Variants in ATP11A observed in about 807,000 individuals in gnomAD.
The protein encoded by ATP11A is phospholipid-transporting ATPase IH.
Under a neutral mutation model 154.4 loss-of-function variants are expected in ATP11A, and 81 were observed. That is an observed-to-expected ratio of 0.52 (90% CI 0.44 to 0.63). The LOEUF is 0.63. Among genes scored for constraint, ATP11A ranks in the 30% least tolerant of loss-of-function variants. The pLI, the probability that ATP11A is intolerant of heterozygous loss-of-function variation, is 0.00. For synonymous variants in ATP11A, 623 were observed against 585.9 expected (o/e 1.06, Z -0.91); for missense variants, 1,316 against 1,474.3 (o/e 0.89, Z 1.76).
intron 17 of ATP11A, among the ~76,000 whole-genome samples, chr13:112,848,683 A>T (rs1020931857): frequency 6.6e-6 from 1 of 152,170 alleles, no homozygotes; most frequent in African/African-American, 2.4e-5. Context: ...TGTTAGCTGT[A>T]GGTTTTTCTT....
At chr13:112,867,269 C>A (rs1039613170) in intron 25 of ATP11A, among the ~76,000 whole-genome samples, 1 of 152,252 alleles carries the variant, frequency 6.6e-6, no homozygotes, top group African/African-American at 2.4e-5. Context: ...AGACTAGACA[C>A]CCTGTGCGGT....
chr13:112,760,309 G>A (rs2076934854), intron 1 of ATP11A, among the ~76,000 whole-genome samples: 1 of 152,204 alleles, frequency 6.6e-6, no homozygotes, highest in Non-Finnish European at 1.5e-5. Flanking sequence ...GCTGTGTCCT[G>A]GGTGCTGTGT....
intron 5 of ATP11A, among the ~76,000 whole-genome samples, chr13:112,812,346 G>A (rs568772488): frequency 6.6e-6 from 1 of 152,284 alleles, no homozygotes; most frequent in African/African-American, 2.4e-5. Context: ...CACCCTGCCT[G>A]GCTCTTTCCA....
intron 1 of ATP11A, among the ~76,000 whole-genome samples, chr13:112,715,372 TCCCCACACCTGGCCGATCCC>T (rs1888306430): frequency 5.8e-5 from 4 of 68,690 alleles, no homozygotes; most frequent in Non-Finnish European, 6.2e-5. Context: ...CTGGCCCACC[TCCCCACACCTGGCCGATCCC>T]CCCACACCTG....
At chr13:112,757,845 C>G (rs1410809809) in intron 1 of ATP11A, among the ~76,000 whole-genome samples, 1 of 152,228 alleles carries the variant, frequency 6.6e-6, no homozygotes, top group Non-Finnish European at 1.5e-5. Flanking sequence ...AGGATGGCGT[C>G]ATGTGTGTGC....
intron 18 of ATP11A, among the ~76,000 whole-genome samples, chr13:112,853,305 T>C (rs1009460640): frequency 1.3e-4 from 20 of 152,016 alleles, no homozygotes; most frequent in Admixed American, 7.9e-4. Flanking sequence ...CATATATATA[T>C]ACACATACAT....
At chr13:112,731,937 C>CGGGG (rs67335042) in intron 1 of ATP11A, among the ~76,000 whole-genome samples, 31 of 83,130 alleles carry the variant, frequency 3.7e-4, no homozygotes, top group African/African-American at 1.1e-3. Flanking sequence ...GAAATGGGGG[C>CGGGG]GGGGGGGGGC....
In ATP11A at chr13:112,831,552, G is replaced by A. The variant is rs2079085539; in HGVS notation, c.1395+4G>A. ...GTCCCCCAGCGTCAACGGGAGGGTAGGTGGCAGCCCCCACGCCGTCCAAGT... is the reference window on the plus strand; with the variant it reads ...GTCCCCCAGCGTCAACGGGAGGGTAAGTGGCAGCCCCCACGCCGTCCAAGT... On this transcript the variant is annotated splice_donor_region_variant and intron_variant, in intron 13 of 29. Transcript: ENST00000375645. 2 of 1,613,664 alleles carry A rather than the reference G, an allele frequency of 1.2e-6. No homozygotes were observed.
At chr13:112,805,089 A>C in intron 3 of ATP11A, 43 bp downstream of exon 3, 1 of 1,424,836 alleles carries the variant, frequency 7.0e-7, no homozygotes, top group East Asian at 2.3e-5. Flanking sequence ...ATATAAATCT[A>C]AATAAGTGAC....
At chr13:112,808,475 C>A (rs367994763) in intron 4 of ATP11A, among the ~76,000 whole-genome samples, 2 of 151,670 alleles carry the variant, frequency 1.3e-5, no homozygotes, top group Admixed American at 6.6e-5. Context: ...AGAGCCCCCC[C>A]ACCCCCTCGA....
chr13:112,860,423 C>G lies in ATP11A; in HGVS notation c.2855+9C>G, dbSNP rs1385079663. The G allele has an allele frequency of 6.2e-7, 1 of 1,613,866 alleles. No individual in the cohort carries two copies. Among genetic ancestry groups the G allele is most frequent in the African/African-American group, 1.3e-5 (1 of 74,910 alleles). On this transcript the variant is annotated intron_variant, in intron 24 of 29. Coordinates refer to ENST00000375645, the MANE Select transcript of ATP11A (RefSeq NM_015205.3). ...GACCCGACCCTGTACAGGTACCATC[C>G]TCCAAACAGCCTCTCCTGAGAGCAG... is the stretch of plus-strand genomic sequence containing the variant.
chr13:112,738,034 T>G (rs980378003), intron 1 of ATP11A, among the ~76,000 whole-genome samples: 2 of 152,202 alleles, frequency 1.3e-5, no homozygotes, highest in Non-Finnish European at 2.9e-5. Context: ...TTCCCATATC[T>G]GTTCAGCGCC....
intron 10 of ATP11A, among the ~76,000 whole-genome samples, chr13:112,825,022 C>T (rs566875932): frequency 6.6e-6 from 1 of 152,214 alleles, no homozygotes; most frequent in South Asian, 2.1e-4. Flanking sequence ...TCCCTCTCTT[C>T]CTTCCTCTCC....
intron 1 of ATP11A, among the ~76,000 whole-genome samples, chr13:112,774,689 A>G (rs1156575557): frequency 2.6e-5 from 4 of 152,280 alleles, no homozygotes; most frequent in East Asian, 1.9e-4. Context: ...CTGTGTTTGC[A>G]TGCACAGCCC....
Position 112,875,664 on chromosome 13 carries a change from C to A in ATP11A, c.3162-112C>A. 2 of 1,251,676 alleles carry A rather than the reference C, an allele frequency of 1.6e-6. No homozygotes were observed. Among genetic ancestry groups the A allele is most frequent in the Admixed American group, 2.3e-5 (1 of 43,526 alleles). 77.5% of individuals were successfully genotyped at this position (1,251,676 alleles called of 1,614,324 possible). ...GCAGGCTCCGTGGCTTGCCAAGCAA[C>A]TCTCACTGACAAAAGTGTAAACTCC... is the stretch of plus-strand genomic sequence containing the variant. On this transcript the variant is annotated intron_variant, in intron 27 of 29. Coordinates refer to ENST00000375645, the MANE Select transcript of ATP11A (RefSeq NM_015205.3). This position sits in a 1 kb window ranked among gnomAD's most constrained non-coding sequence, Gnocchi z 4.1.
At chr13:112,711,380 T>C (rs919277234) in intron 1 of ATP11A, among the ~76,000 whole-genome samples, 8 of 151,956 alleles carry the variant, frequency 5.3e-5, no homozygotes, top group African/African-American at 1.9e-4. Context: ...GGTGGGAGGA[T>C]CAGATCCCCT....
chr13:112,869,974 C>T (rs1484844748), intron 25 of ATP11A, among the ~76,000 whole-genome samples: 2 of 152,230 alleles, frequency 1.3e-5, no homozygotes, highest in African/African-American at 4.8e-5. Flanking sequence ...GCAGCCCCTC[C>T]ACCCCCCCAT....
At position 112,785,009 on chromosome 13, in the gene ATP11A, G is replaced by A; in HGVS notation, c.40-126G>A. The A allele has an allele frequency of 8.0e-7, 1 of 1,249,880 alleles. No individual in the cohort carries two copies. 77.4% of individuals were successfully genotyped at this position (1,249,880 alleles called of 1,614,324 possible). On this transcript the variant is annotated intron_variant, in intron 1 of 29. Transcript: ENST00000375645. The surrounding 1 kb of genome is among the most constrained non-coding windows in gnomAD (Gnocchi z 4.8). ...GGGCCCCAGGTCTCCCTGCAGCCCTGAACGATGCTCTCAGCAGCAGGTACA... is the reference window on the plus strand; with the variant it reads ...GGGCCCCAGGTCTCCCTGCAGCCCTAAACGATGCTCTCAGCAGCAGGTACA...
At chr13:112,865,081 A>T (rs535167797) in intron 25 of ATP11A, among the ~76,000 whole-genome samples, 1 of 59,572 alleles carries the variant, frequency 1.7e-5, no homozygotes, top group Non-Finnish European at 3.4e-5. Flanking sequence ...CCATCACCAC[A>T]TGGGCAGTAA....
Sources: gnomAD v4.1 joint callset for allele counts (sites outside exome capture counted in the v4.1 genomes callset) on GRCh38, gnomAD v4.1.1 for gene constraint, Gnocchi (gnomAD v3.1) non-coding constraint, MANE v1.5 for transcripts, NCBI Gene and HGNC (gene_info 2026-07-23, HGNC 2026-07-21) for gene names.